The following LPA variants were observed in gnomAD, a reference collection of about 807,000 sequenced individuals.
LPA encodes lipoprotein(a), also known as apolipoprotein(a).
In LPA, 199 loss-of-function variants were observed where a neutral mutation model predicts 197.9. That is an observed-to-expected ratio of 1.01 (90% CI 0.90 to 1.13). The LOEUF (loss-of-function observed/expected upper bound fraction) is 1.13. LPA is among the 50% of genes most tolerant of loss of function. The probability of loss-of-function intolerance (pLI) is 0.00; values close to 1 mark genes in which losing one functional copy is unlikely to be tolerated. For synonymous variants in LPA, 715 were observed against 639.5 expected, an observed-to-expected ratio of 1.12 and a Z score of -1.78; for missense variants, 1,853 against 1,785.8, an observed-to-expected ratio of 1.04 and a Z score of -0.68.
intron 30 of LPA, among the ~76,000 whole-genome samples, chr6:160,551,533 A>C (rs1437792645): frequency 6.6e-6 from 1 of 152,192 alleles, no homozygotes; most frequent in Non-Finnish European, 1.5e-5. Flanking sequence ...ATGAGTTTTC[A>C]TGAAAGCCCA....
intron 28 of LPA, 36 bp from the exon 29 acceptor site, chr6:160,557,607 G>A (rs371100738): frequency 1.6e-5 from 25 of 1,604,514 alleles, no homozygotes; most frequent in Admixed American, 3.3e-5. Context: ...CACAAGAGGC[G>A]GGAAAAAATT....
chr6:160,580,977 T>A (rs1403376722), intron 26 of LPA, among the ~76,000 whole-genome samples: 1 of 151,418 alleles, frequency 6.6e-6, no homozygotes, highest in Non-Finnish European at 1.5e-5. Context: ...CCTCAAAAAA[T>A]TTTTCCTTCT....
chr6:160,585,684 T>C (rs553695226), intron 25 of LPA, among the ~76,000 whole-genome samples: 47 of 152,164 alleles, frequency 3.1e-4, no homozygotes, highest in African/African-American at 1.1e-3. Flanking sequence ...GAAAAGGATC[T>C]TGCATCTAGG....
intron 35 of LPA, 59 bp downstream of exon 35, chr6:160,541,048 G>A (rs1264035569): frequency 4.2e-5 from 59 of 1,389,534 alleles, no homozygotes; most frequent in Non-Finnish European, 5.8e-5. Flanking sequence ...GATGGAGGAA[G>A]AGAGGGAGGA....
chr6:160,556,710 A>G (rs573851828), intron 29 of LPA, among the ~76,000 whole-genome samples: 1 of 152,240 alleles, frequency 6.6e-6, no homozygotes, highest in African/African-American at 2.4e-5. Context: ...CTAAAATCTT[A>G]TTCCCTTACA....
rs1047519227 is a variant in LPA at position 160,662,554 on chromosome 6, G to T, written c.49+1612C>A. Among the ~76,000 whole-genome samples the T allele has an allele frequency of 2.0e-5, 3 of 152,148 alleles. No homozygotes were observed. In the South Asian group the frequency reaches 6.2e-4, roughly 32 times the overall value. On this transcript the variant is annotated intron_variant, in intron 1 of 38. Coordinates refer to ENST00000316300, the MANE Select transcript of LPA (RefSeq NM_005577.4). ...CATATGTTAATCCTGTGGCAGAGAAGTTTGTTCTAGCCTTTGGGTGTAGCC... is the reference window on the plus strand; with the variant it reads ...CATATGTTAATCCTGTGGCAGAGAATTTTGTTCTAGCCTTTGGGTGTAGCC...
intron 24 of LPA, among the ~76,000 whole-genome samples, chr6:160,587,631 A>G (rs1376932053): frequency 6.6e-6 from 1 of 152,084 alleles, no homozygotes; most frequent in East Asian, 1.9e-4. Context: ...CATCGCTTCA[A>G]GTATAATGTC....
At chr6:160,537,985 A>G (rs773135129) in intron 36 of LPA, 24 bp from the exon 37 acceptor site, 6 of 1,603,080 alleles carry the variant, frequency 3.7e-6, no homozygotes, top group Admixed American at 3.3e-5. Context: ...ATTAGCAGTT[A>G]TGTTTCACTG....
intron 20 of LPA, among the ~76,000 whole-genome samples, chr6:160,596,873 A>C (rs1562337495): frequency 1.3e-5 from 2 of 152,204 alleles, no homozygotes; most frequent in Non-Finnish European, 2.9e-5. Context: ...AGTTTGGATA[A>C]ATTGTGTTAT....
intron 28 of LPA, among the ~76,000 whole-genome samples, chr6:160,559,902 T>C (rs1164285302): frequency 1.3e-5 from 2 of 152,228 alleles, no homozygotes; most frequent in Non-Finnish European, 2.9e-5. Context: ...CAACCCATCA[T>C]CTACATTAGG....
At chr6:160,568,227 CA>C (rs767751788) in intron 28 of LPA, among the ~76,000 whole-genome samples, 1 of 152,108 alleles carries the variant, frequency 6.6e-6, no homozygotes, top group Non-Finnish European at 1.5e-5. Flanking sequence ...AACATTGATG[CA>C]AAAATCCTCA....
intron 33 of LPA, among the ~76,000 whole-genome samples, chr6:160,545,048 G>A (rs745502817): frequency 1.1e-4 from 16 of 151,836 alleles, no homozygotes; most frequent in Admixed American, 5.2e-4. Flanking sequence ...CCTGCTGCTC[G>A]TATTTTTTTT....
intron 1 of LPA, among the ~76,000 whole-genome samples, chr6:160,655,685 A>T (rs1260757287): frequency 6.6e-6 from 1 of 152,228 alleles, no homozygotes; most frequent in Admixed American, 6.5e-5. Context: ...ACCGAGGTAG[A>T]AAGTCCCTAA....
intron 16 of LPA, among the ~76,000 whole-genome samples, chr6:160,611,172 C>T (rs1357582066): frequency 5.9e-5 from 9 of 152,104 alleles, no homozygotes; most frequent in Admixed American, 5.2e-4. Context: ...TCCTCATGAG[C>T]CCAGACAGAA....
chr6:160,557,632 G>A (rs1417354991), intron 28 of LPA, 61 bp from the exon 29 acceptor site: 10 of 1,429,548 alleles, frequency 7.0e-6, no homozygotes, highest in South Asian at 1.1e-5. Flanking sequence ...GGCACCCAGC[G>A]CTGTCTAAAC....
intron 16 of LPA, among the ~76,000 whole-genome samples, chr6:160,611,252 T>C (rs553532255): frequency 2.0e-5 from 3 of 152,266 alleles, no homozygotes; most frequent in Non-Finnish European, 2.9e-5. Context: ...AAAGTCTTCA[T>C]TGACGCTTAG....
rs1422997878 is a variant in LPA, at chr6:160,557,514, G to T, written c.4689C>A (p.Tyr1563Ter). Residue 1563 changes from tyrosine (Y) to a stop codon, truncating the protein, a stop_gained, in exon 29 of 39, where the codon TAC becomes TAA. Transcript: ENST00000316300. LOFTEE classifies it high-confidence loss of function. The part of the protein sequence containing the change: ...NPDSGKQPWC[Y>*]TTDPCVRWEY... ...CCCACCTCACACACGGATCGGTTGT[G>T]TAACACCAGGGTTGTTTCCCAGAAT... is the stretch of plus-strand genomic sequence containing the variant. 1 of 1,613,972 alleles carries T rather than the reference G, an allele frequency of 6.2e-7. No individual in the cohort carries two copies. The highest frequency in any genetic ancestry group is 8.5e-7 in the Non-Finnish European group (1 of 1,180,024).
At chr6:160,647,199 A>G (rs138351751) in intron 2 of LPA, among the ~76,000 whole-genome samples, 2 of 152,180 alleles carry the variant, frequency 1.3e-5, no homozygotes, top group African/African-American at 2.4e-5. Context: ...GTCCCATGGC[A>G]TAAAGGAAGA....
chr6:160,576,938 A>G (rs900828901), intron 28 of LPA, among the ~76,000 whole-genome samples, 198 bp downstream of exon 28: 1 of 152,028 alleles, frequency 6.6e-6, no homozygotes, highest in Admixed American at 6.6e-5. Flanking sequence ...CTCCTTCCAT[A>G]AAACTATTAG....
Sources: gnomAD v4.1 joint callset for allele counts (sites outside exome capture counted in the v4.1 genomes callset) on GRCh38, gnomAD v4.1.1 for gene constraint, MANE v1.5 for transcripts, NCBI Gene and HGNC (gene_info 2026-07-23, HGNC 2026-07-21) for gene names.